Variants in BLTP1 observed in about 807,000 individuals in gnomAD.
BLTP1 encodes the protein fragile site-associated protein.
chr4:122,273,556 G>A, the BLTP1 span: 3 of 450,380 alleles, frequency 6.7e-6, no homozygotes, highest in Non-Finnish European at 8.8e-6. Context: ...CTCATTTATG[G>A]TGAGAATTAG....
chr4:122,254,555 T>G, the BLTP1 span: 1 of 944,616 alleles, frequency 1.1e-6, no homozygotes, highest in South Asian at 4.9e-5. Context: ...AGTTTTATTT[T>G]TATATGTTCC....
At chr4:122,305,225 C>A in the BLTP1 span, 1 of 981,808 alleles carries the variant, frequency 1.0e-6, no homozygotes, top group Non-Finnish European at 1.2e-6. Flanking sequence ...TCTTCGTAAT[C>A]ATTTGCTTGT....
At chr4:122,247,021 T>C in the BLTP1 span, 5 of 1,301,480 alleles carry the variant, frequency 3.8e-6, no homozygotes, top group East Asian at 2.5e-5. Flanking sequence ...TCAGTAAACA[T>C]TGAATAATTT....
chr4:122,211,200 G>A, the BLTP1 span: 4 of 1,026,592 alleles, frequency 3.9e-6, no homozygotes, highest in South Asian at 4.8e-5. Context: ...ATTATTTAAA[G>A]TGTTGAGGAT....
the BLTP1 span, chr4:122,167,716 T>C: frequency 3.0e-6 from 3 of 985,272 alleles, no homozygotes; most frequent in Non-Finnish European, 3.6e-6. Flanking sequence ...CGTCATGCCA[T>C]TGGATACTTA....
At chr4:122,185,592 T>C in the BLTP1 span, among the ~76,000 whole-genome samples, 1 of 152,130 alleles carries the variant, frequency 6.6e-6, no homozygotes, top group Non-Finnish European at 1.5e-5. Flanking sequence ...TTTATGGAAA[T>C]AAGTATTTAT....
At chr4:122,324,030 C>T in the BLTP1 span, among the ~76,000 whole-genome samples, 15 of 152,092 alleles carry the variant, frequency 9.9e-5, no homozygotes, top group African/African-American at 3.4e-4. Flanking sequence ...GTCCTACAAA[C>T]GGGATGCCCT....
At chr4:122,195,579 C>G in the BLTP1 span, 4 of 169,244 alleles carry the variant, frequency 2.4e-5, no homozygotes. Context: ...GTGATTTGGG[C>G]AAGATAGTGA....
chr4:122,325,379 A>C, the BLTP1 span: 1 of 1,531,802 alleles, frequency 6.5e-7, no homozygotes, highest in East Asian at 2.3e-5. Flanking sequence ...ACAAATTACA[A>C]AATTATGGTA....
chr4:122,327,293 C>T, the BLTP1 span, among the ~76,000 whole-genome samples: 1 of 151,672 alleles, frequency 6.6e-6, no homozygotes, highest in East Asian at 1.9e-4. Context: ...ATAAATGGTG[C>T]AATATTTGCA....
chr4:122,305,501 A>C, the BLTP1 span: 1 of 983,202 alleles, frequency 1.0e-6, no homozygotes, highest in Non-Finnish European at 1.2e-6. Flanking sequence ...AGAACCAAGT[A>C]GAAAAATGCC....
the BLTP1 span, among the ~76,000 whole-genome samples, chr4:122,163,674 T>A: frequency 2.6e-5 from 4 of 152,224 alleles, no homozygotes; most frequent in East Asian, 7.7e-4. Context: ...ATGAGATAGG[T>A]ACTATTAGTG....
chr4:122,224,804 G>A, the BLTP1 span: 8 of 1,566,582 alleles, frequency 5.1e-6, no homozygotes, highest in Non-Finnish European at 6.9e-6. Flanking sequence ...TCTGATGGGA[G>A]TCATTCTTGC....
At chr4:122,190,963 G>A in the BLTP1 span, among the ~76,000 whole-genome samples, 4 of 152,144 alleles carry the variant, frequency 2.6e-5, no homozygotes, top group African/African-American at 4.8e-5. Context: ...CAGAGCAATG[G>A]TGGGTAAAAC....
chr4:122,241,206 G>C, the BLTP1 span, among the ~76,000 whole-genome samples: 1 of 152,128 alleles, frequency 6.6e-6, no homozygotes. Context: ...GAAGATAGGA[G>C]GACCTAGGGG....
At chr4:122,255,761 T>A in the BLTP1 span, among the ~76,000 whole-genome samples, 2 of 152,114 alleles carry the variant, frequency 1.3e-5, no homozygotes, top group East Asian at 3.8e-4. Flanking sequence ...TGGATGAGAT[T>A]TCCAGGAATG....
the BLTP1 span, among the ~76,000 whole-genome samples, chr4:122,292,046 C>G: frequency 6.8e-6 from 1 of 147,954 alleles, no homozygotes; most frequent in Non-Finnish European, 1.5e-5. Context: ...TCTCAGCTCA[C>G]TTCAACCTCT....
the BLTP1 span, chr4:122,207,508 TTTC>T: frequency 6.5e-7 from 1 of 1,537,806 alleles, no homozygotes; most frequent in Admixed American, 2.2e-5. Flanking sequence ...AAATTTACTT[TTTC>T]TTCTTTTTTT....
At chr4:122,156,064 A>G in the BLTP1 span, 8 of 626,594 alleles carry the variant, frequency 1.3e-5, no homozygotes, top group Non-Finnish European at 1.6e-5. Context: ...GGGGCCATTT[A>G]CTGAGGTAGG....
Sources: gnomAD v4.1 joint callset for allele counts (sites outside exome capture counted in the v4.1 genomes callset) on GRCh38, gnomAD v4.1.1 for gene constraint, MANE v1.5 for transcripts, NCBI Gene and HGNC (gene_info 2026-07-23, HGNC 2026-07-21) for gene names.